ZSWIM9: variants seen among roughly 807,000 people sequenced by gnomAD.
ZSWIM9 encodes zinc finger SWIM-type containing 9, also known as uncharacterized protein ZSWIM9.
A neutral mutation model predicts 25.0 loss-of-function variants in ZSWIM9; 11 were observed. The ratio of observed to expected loss-of-function variants is 0.44; its 90% CI spans 0.28 to 0.73. ZSWIM9 has a LOEUF of 0.73. ZSWIM9 is among the 30% of genes least tolerant of loss of function. The pLI is 0.16. For synonymous variants in ZSWIM9, 562 were observed against 582.1 expected (o/e 0.97, Z 0.50); for missense variants, 1,070 against 1,296.5 (o/e 0.83, Z 2.68).
intron 3 of ZSWIM9, among the ~76,000 whole-genome samples, chr19:48,188,416 A>G (rs1247243107): frequency 6.6e-6 from 1 of 151,710 alleles, no homozygotes; most frequent in Non-Finnish European, 1.5e-5. Context: ...TTTAGTAGAG[A>G]TGGGGTTTCA....
At position 48,182,553 on chromosome 19, in the gene ZSWIM9, C is replaced by A. The variant is rs1448629182; in HGVS notation, c.374C>A (p.Pro125Gln). ...GAGTGCCAGCTGACCCACTCACACC[C>A]GGCCTGCCCGCTGGAGTTCGCCTAC... ...VTECQLTHSH[P>Q]ACPLEFAYYF... The change falls in exon 3 of 4, where the codon CCG (proline) becomes CAG (glutamine). Residue 125 changes from proline (P) to glutamine (Q), a missense_variant. Physicochemically the swap from Pro to Gln is moderately conservative, Grantham distance 76. Coordinates refer to ENST00000614654, the MANE Select transcript of ZSWIM9 (RefSeq NM_199341.4). The surrounding 1 kb of genome is among the most constrained non-coding windows in gnomAD (Gnocchi z 4.6). 6.5e-7 allele frequency: 1 copy of A among 1,535,780 alleles called. No individual in the cohort carries two copies. The highest frequency in any genetic ancestry group is 8.7e-7 in the Non-Finnish European group (1 of 1,146,772).
chr19:48,187,325 TGAAA>T (rs2037024233), intron 3 of ZSWIM9, among the ~76,000 whole-genome samples: 1 of 138,270 alleles, frequency 7.2e-6, no homozygotes, highest in African/African-American at 2.7e-5. Context: ...TAAAATCTAA[TGAAA>T]GAGTTCTATA....
chr19:48,190,695 T>A (rs1262419608), intron 3 of ZSWIM9: 2 of 153,750 alleles, frequency 1.3e-5, no homozygotes, highest in Non-Finnish European at 2.9e-5. Context: ...CACAGGGTAC[T>A]GTTTCATCAA....
rs2036962116 is a variant in ZSWIM9, at chr19:48,182,614, C to T, written c.435C>T (p.Cys145=). The T allele has an allele frequency of 1.3e-6, 2 of 1,535,748 alleles. No individual in the cohort carries two copies. The highest frequency in any genetic ancestry group is 1.4e-5 in the African/African-American group (1 of 73,020). ...FRPGHLLANA[C]LPVRTTNKIS... ...CGGGCCACCTGCTGGCCAACGCCTG[C>T]CTGCCGGTGCGCACCACCAACAAGA... The change falls in exon 3 of 4, where the codon TGC becomes TGT. Residue 145 remains cysteine, a synonymous_variant. Transcript: ENST00000614654. This position sits in a 1 kb window ranked among gnomAD's most constrained non-coding sequence, Gnocchi z 4.6.
Position 48,189,833 on chromosome 19 carries a change from A to G in ZSWIM9, c.589-4820A>G, listed in dbSNP as rs1317018107. Among the ~76,000 whole-genome samples, 4 of 152,184 alleles carry G rather than the reference A, an allele frequency of 2.6e-5. No homozygotes were observed. The South Asian group carries it at 8.3e-4, about 32-fold the overall frequency. On this transcript the variant is annotated intron_variant, in intron 3 of 3. Transcript: ENST00000614654. ...TAAAGAGGTGGGAGTAAGACCTTTT[A>G]TGTATCGCTTTACATTATTTGACTT...
chr19:48,171,631 G>T (rs546686085), intron 1 of ZSWIM9, among the ~76,000 whole-genome samples, 163 bp from the exon 2 acceptor site: 13 of 152,194 alleles, frequency 8.5e-5, no homozygotes, highest in African/African-American at 3.1e-4. Flanking sequence ...TAGGATGGAG[G>T]TTGATATTTA....
At position 48,194,898 on chromosome 19, in the gene ZSWIM9, G is replaced by C; in HGVS notation, c.834G>C (p.Leu278=). 2 of 1,311,212 alleles carry C rather than the reference G, an allele frequency of 1.5e-6. No homozygotes were observed. Among genetic ancestry groups the C allele is most frequent in the East Asian group, 7.2e-5 (2 of 27,594 alleles). The allele number at this position is 1,311,212 out of a possible 1,614,324, so 81.2% of individuals were successfully genotyped here. A position where few individuals can be genotyped will look rare whatever the true frequency, so the allele number is the denominator to read the frequency against. ...TGCTGCGCTTCGCGCTCGCGTCGCTGCTGCAGAGCGCGCCAGACGTCAAGG... is the reference window on the plus strand; with the variant it reads ...TGCTGCGCTTCGCGCTCGCGTCGCTCCTGCAGAGCGCGCCAGACGTCAAGG... ...PSLLRFALAS[L]LQSAPDVKGR... Residue 278 remains leucine (L), a synonymous_variant, in exon 4 of 4, where the codon CTG becomes CTC. Transcript: ENST00000614654. This position sits in a 1 kb window ranked among gnomAD's most constrained non-coding sequence, Gnocchi z 6.0.
Position 48,187,509 on chromosome 19 carries a change from T to TG in ZSWIM9, c.588+4742_588+4743insG, listed in dbSNP as rs1416467107. Among the ~76,000 whole-genome samples, 549 of 87,434 alleles carry TG rather than the reference T, an allele frequency of 6.3e-3. 7 individuals are homozygous for TG. Among genetic ancestry groups the TG allele is most frequent in the African/African-American group, 0.025 (523 of 21,308 alleles). The allele number at this position is 87,434 out of a possible 152,430, so 57.4% of individuals were successfully genotyped here. On this transcript the variant is annotated intron_variant, in intron 3 of 3. Coordinates refer to ENST00000614654, the MANE Select transcript of ZSWIM9 (RefSeq NM_199341.4). ...TATTATATTATAATATATTATATTA[T>TG]ATTATATATATTATATATTATATTA...
At chr19:48,190,766 A>T (rs1250319724) in intron 3 of ZSWIM9, among the ~76,000 whole-genome samples, 1 of 152,238 alleles carries the variant, frequency 6.6e-6, no homozygotes. Flanking sequence ...GTAGTTACAC[A>T]GGCCTCCTGC....
In ZSWIM9 at chr19:48,182,891, C is replaced by A; in HGVS notation, c.588+124C>A. On this transcript the variant is annotated intron_variant, in intron 3 of 3. Coordinates refer to ENST00000614654, the MANE Select transcript of ZSWIM9 (RefSeq NM_199341.4). The surrounding 1 kb of genome is among the most constrained non-coding windows in gnomAD (Gnocchi z 4.6). ...CACTCCTTTCCTCCATTCATCCGTT[C>A]ATTCATTCAATAAGTACTTACCGAG... The A allele has an allele frequency of 1.4e-6, 1 of 740,026 alleles. No homozygotes were observed. Among genetic ancestry groups the A allele is most frequent in the Non-Finnish European group, 2.2e-6 (1 of 463,208 alleles). 45.8% of individuals were successfully genotyped at this position (740,026 alleles called of 1,614,324 possible).
intron 3 of ZSWIM9, chr19:48,187,647 T>C (rs1444657132): frequency 8.6e-6 from 1 of 115,776 alleles, no homozygotes; most frequent in Non-Finnish European, 1.7e-5. Flanking sequence ...ACATGTAATA[T>C]TGATAATATA....
rs1031919679 is a variant in ZSWIM9 at position 48,195,807 on chromosome 19, G to A, written c.1743G>A (p.Gln581=). The change falls in exon 4 of 4, where the codon CAG becomes CAA. Residue 581 remains glutamine, a synonymous_variant. Coordinates refer to ENST00000614654, the MANE Select transcript of ZSWIM9 (RefSeq NM_199341.4). This position sits in a 1 kb window ranked among gnomAD's most constrained non-coding sequence, Gnocchi z 5.8. The part of the protein sequence containing the change: ...GLEGYVWRGS[Q]LEDQALRGLE... ...AAGGTTATGTCTGGAGGGGGTCCCA[G>A]TTGGAGGACCAGGCGCTAAGAGGAT... is the stretch of plus-strand genomic sequence containing the variant. The A allele has an allele frequency of 6.7e-7, 1 of 1,494,566 alleles. No homozygotes were observed. The highest frequency in any genetic ancestry group is 2.3e-5 in the Admixed American group (1 of 43,992). The allele number at this position is 1,494,566 out of a possible 1,614,324, so 92.6% of individuals were successfully genotyped here. A position where few individuals can be genotyped will look rare whatever the true frequency, so the allele number is the denominator to read the frequency against.
intron 3 of ZSWIM9, among the ~76,000 whole-genome samples, chr19:48,192,816 CA>C (rs2037114734): frequency 1.3e-5 from 2 of 152,006 alleles, no homozygotes; most frequent in Non-Finnish European, 2.9e-5. Context: ...GTAAAATCAG[CA>C]AAGGCAAGAG....
chr19:48,187,461 T>A (rs1330849977), intron 3 of ZSWIM9, among the ~76,000 whole-genome samples: 2 of 45,970 alleles, frequency 4.4e-5, no homozygotes, highest in African/African-American at 6.7e-5. Context: ...TATATATTAA[T>A]TATATATATT....
At position 48,182,793 on chromosome 19, in the gene ZSWIM9, G is replaced by T; in HGVS notation, c.588+26G>T. The T allele has an allele frequency of 6.7e-7, 1 of 1,501,298 alleles. No homozygotes were observed. The highest frequency in any genetic ancestry group is 8.9e-7 in the Non-Finnish European group (1 of 1,123,796). The allele number at this position is 1,501,298 out of a possible 1,614,324, so 93.0% of individuals were successfully genotyped here. A position where few individuals can be genotyped will look rare whatever the true frequency, so the allele number is the denominator to read the frequency against. On this transcript the variant is annotated intron_variant, in intron 3 of 3. Transcript: ENST00000614654. This position sits in a 1 kb window ranked among gnomAD's most constrained non-coding sequence, Gnocchi z 4.6. ...GTGGGGTCTCGAGAGAGGCAGGCCG[G>T]GGGAGGGGGCGGGGGAAAGCCGCGC...
chr19:48,197,404 T>C lies in ZSWIM9; in HGVS notation c.*577T>C, dbSNP rs561678748. The C allele has an allele frequency of 3.2e-4, 198 of 628,354 alleles. 6 individuals are homozygous for C. Among genetic ancestry groups the C allele is most frequent in the South Asian group, 7.8e-4 (42 of 54,008 alleles). The allele number at this position is 628,354 out of a possible 1,614,324, so 38.9% of individuals were successfully genotyped here. A position where few individuals can be genotyped will look rare whatever the true frequency, so the allele number is the denominator to read the frequency against. On this transcript the variant is annotated 3_prime_UTR_variant, in exon 4 of 4. Transcript: ENST00000614654. Reference sequence around the variant, plus strand: ...CGGGATGTAGGAGGGGGAAGAAAAATCGGAGATGAGACAAAAGAAATGTGT... The same window carrying C: ...CGGGATGTAGGAGGGGGAAGAAAAACCGGAGATGAGACAAAAGAAATGTGT...
rs1213709051 is a variant in ZSWIM9 at position 48,197,124 on chromosome 19, A to AG, written c.*298dup. The AG allele has an allele frequency of 3.7e-5, 25 of 667,620 alleles. No individual in the cohort carries two copies. Among genetic ancestry groups the AG allele is most frequent in the Non-Finnish European group, 5.7e-5 (21 of 368,408 alleles). The allele number at this position is 667,620 out of a possible 1,614,324, so 41.4% of individuals were successfully genotyped here. ...GGTGTAGACAGGGTCAGGCTGGGAC[A>AG]GAAGGAAGGAAAGGGGCAGAGCTGG... On this transcript the variant is annotated 3_prime_UTR_variant, in exon 4 of 4. Coordinates refer to ENST00000614654, the MANE Select transcript of ZSWIM9 (RefSeq NM_199341.4).
chr19:48,185,341 G>A (rs1380936180), intron 3 of ZSWIM9, among the ~76,000 whole-genome samples: 1 of 151,970 alleles, frequency 6.6e-6, no homozygotes, highest in Non-Finnish European at 1.5e-5. Context: ...CTCCATGTTG[G>A]TCAGGCTGGT....
rs2036814204 is a variant in ZSWIM9, at chr19:48,171,676, G to A, written c.-9-118G>A. 9.8e-6 allele frequency: 10 copies of A among 1,017,026 alleles called. No homozygotes were observed. In the South Asian group the frequency reaches 1.5e-4, roughly 16 times the overall value. 63.0% of individuals were successfully genotyped at this position (1,017,026 alleles called of 1,614,324 possible). On this transcript the variant is annotated intron_variant, in intron 1 of 3. Coordinates refer to ENST00000614654, the MANE Select transcript of ZSWIM9 (RefSeq NM_199341.4). ...AGAAAAACAGGCACGTCCGACCCCG[G>A]GCTACCCACCTCGATAGAGGCACCA...
Sources: allele counts gnomAD v4.1 joint callset (sites outside exome capture counted in the v4.1 genomes callset), GRCh38; gene constraint gnomAD v4.1.1; non-coding constraint Gnocchi (gnomAD v3.1); transcripts MANE v1.5; gene names NCBI Gene and HGNC (gene_info 2026-07-23, HGNC 2026-07-21).